The following APBB2 variants were observed in gnomAD, a reference collection of about 807,000 sequenced individuals.
APBB2 encodes the protein Fe65-like 1.
In APBB2, 38 loss-of-function variants were observed where a neutral mutation model predicts 82.5. The ratio of observed to expected loss-of-function variants is 0.46; its 90% CI spans 0.36 to 0.60. The LOEUF is 0.60. Among genes scored for constraint, APBB2 ranks in the 20% least tolerant of loss-of-function variants. The pLI, the probability that APBB2 is intolerant of heterozygous loss-of-function variation, is 0.00. For synonymous variants in APBB2, 341 were observed against 368.2 expected (o/e 0.93, Z 0.85); for missense variants, 772 against 972.3 (o/e 0.79, Z 2.74).
chr4:41,011,726 G>A (rs62412105), intron 6 of APBB2, among the ~76,000 whole-genome samples: 5,092 of 150,398 alleles, frequency 0.034, 146 homozygotes, highest in African/African-American at 0.084. Context: ...CCATCATGCC[G>A]GTCTTAAAAT....
At chr4:40,994,325 A>G (rs1803022630) in intron 6 of APBB2, among the ~76,000 whole-genome samples, 1 of 151,900 alleles carries the variant, frequency 6.6e-6, no homozygotes, top group Non-Finnish European at 1.5e-5. Flanking sequence ...TCTGATGCAG[A>G]CAGACTACAG....
chr4:41,073,821 G>A (rs1362258357), intron 3 of APBB2, among the ~76,000 whole-genome samples: 1 of 152,138 alleles, frequency 6.6e-6, no homozygotes, highest in African/African-American at 2.4e-5. Flanking sequence ...CAGTGAGGTG[G>A]TTCACACCTG....
chr4:41,180,531 G>A (rs542155781), intron 1 of APBB2, among the ~76,000 whole-genome samples: 11 of 152,104 alleles, frequency 7.2e-5, no homozygotes, highest in African/African-American at 2.2e-4. Flanking sequence ...CTACTTGATG[G>A]GGGGGCAGAG....
At chr4:41,189,227 G>A (rs1043725982) in intron 1 of APBB2, among the ~76,000 whole-genome samples, 4 of 152,110 alleles carry the variant, frequency 2.6e-5, no homozygotes, top group South Asian at 2.1e-4. Flanking sequence ...TCACAACAAC[G>A]TGGATGGTTG....
chr4:40,827,250 T>G, intron 13 of APBB2, 31 bp from the exon 14 acceptor site: 1 of 1,599,344 alleles, frequency 6.3e-7, no homozygotes, highest in Non-Finnish European at 8.6e-7. Context: ...CTTTGGAGCG[T>G]GGGTTCAAGC....
At chr4:41,085,224 C>T (rs1739199421) in intron 3 of APBB2, among the ~76,000 whole-genome samples, 2 of 142,384 alleles carry the variant, frequency 1.4e-5, no homozygotes, top group South Asian at 4.4e-4. Context: ...GCACTCCAGC[C>T]TGGGTGACAG....
At chr4:40,883,535 C>A (rs760471155) in intron 12 of APBB2, among the ~76,000 whole-genome samples, 2 of 151,718 alleles carry the variant, frequency 1.3e-5, no homozygotes, top group Non-Finnish European at 2.9e-5. Context: ...TGCAGTGAGC[C>A]GAGATCATGC....
rs778132637 is a variant in APBB2, at chr4:40,890,404, C to T, written c.1489G>A (p.Val497Ile). 69 of 1,613,752 alleles carry T rather than the reference C, an allele frequency of 4.3e-5. No homozygotes were observed. Among genetic ancestry groups the T allele is most frequent in the East Asian group, 2.4e-4 (11 of 44,906 alleles). Residue 497 changes from valine to isoleucine, a missense_variant, in exon 12 of 18, where the codon GTC (valine) becomes ATC (isoleucine). By Grantham distance (29) the Val-to-Ile change is conservative. Coordinates refer to ENST00000508593, the MANE Select transcript of APBB2 (RefSeq NM_004307.2). The part of the protein sequence containing the change: ...DRSVLHSQPI[V>I]SIRVWGVGRD... ...CCCACGCCCCACACGCGGATGCTGACGATGGGCTGCGAGTGCAGCACGCTG... is the reference window on the plus strand; with the variant it reads ...CCCACGCCCCACACGCGGATGCTGATGATGGGCTGCGAGTGCAGCACGCTG...
intron 11 of APBB2, among the ~76,000 whole-genome samples, chr4:40,890,692 C>G (rs1379820084): frequency 6.6e-6 from 1 of 152,020 alleles, no homozygotes; most frequent in Non-Finnish European, 1.5e-5. Context: ...TTTCTCTCTC[C>G]CTCTCCGAGT....
At chr4:40,946,519 T>C (rs1165262257) in intron 6 of APBB2, among the ~76,000 whole-genome samples, 2 of 152,156 alleles carry the variant, frequency 1.3e-5, no homozygotes, top group African/African-American at 4.8e-5. Flanking sequence ...ATCAGTTTAC[T>C]GAATATCTGC....
At chr4:40,941,109 A>G (rs1281990081) in intron 7 of APBB2, among the ~76,000 whole-genome samples, 1 of 152,026 alleles carries the variant, frequency 6.6e-6, no homozygotes, top group Non-Finnish European at 1.5e-5. Flanking sequence ...TGTGAAGCCT[A>G]GTCAACAGAT....
At chr4:40,900,966 T>C (rs1470885994) in intron 10 of APBB2, among the ~76,000 whole-genome samples, 1 of 152,088 alleles carries the variant, frequency 6.6e-6, no homozygotes, top group East Asian at 1.9e-4. Flanking sequence ...TGGAAGGGCA[T>C]ATTCGTTTGG....
intron 10 of APBB2, among the ~76,000 whole-genome samples, chr4:40,928,247 T>C (rs1783127852): frequency 6.6e-6 from 1 of 152,192 alleles, no homozygotes; most frequent in African/African-American, 2.4e-5. Context: ...AGCAGATAGT[T>C]CTGAAGTTAA....
At chr4:40,864,983 C>T (rs552056341) in intron 12 of APBB2, among the ~76,000 whole-genome samples, 3 of 151,828 alleles carry the variant, frequency 2.0e-5, no homozygotes, top group South Asian at 2.1e-4. Flanking sequence ...CTCAGCCTCC[C>T]GAGTAGCTGG....
At chr4:41,025,486 C>T (rs1713642845) in intron 5 of APBB2, among the ~76,000 whole-genome samples, 1 of 151,812 alleles carries the variant, frequency 6.6e-6, no homozygotes, top group Non-Finnish European at 1.5e-5. Flanking sequence ...TACCATTCGA[C>T]CCAGTAATCC....
At chr4:40,881,427 AAAC>A in intron 12 of APBB2, 3 of 970,420 alleles carry the variant, frequency 3.1e-6, no homozygotes, top group Non-Finnish European at 3.7e-6. Flanking sequence ...TAGGGAAAAA[AAAC>A]AATGACCAAG....
chr4:41,111,988 A>G (rs2153982410), intron 2 of APBB2, among the ~76,000 whole-genome samples: 1 of 152,368 alleles, frequency 6.6e-6, no homozygotes, highest in Middle Eastern at 3.4e-3. Flanking sequence ...AGCTCTTCCA[A>G]GTGGGTCAAC....
chr4:40,887,754 G>A (rs898454830), intron 12 of APBB2, among the ~76,000 whole-genome samples: 2 of 152,064 alleles, frequency 1.3e-5, no homozygotes, highest in African/African-American at 2.4e-5. Context: ...TAGCTATGTG[G>A]AACCCTCCCA....
At chr4:41,100,897 T>G (rs1560751892) in intron 2 of APBB2, 147 bp from the exon 3 acceptor site, 1 of 152,200 alleles carries the variant, frequency 6.6e-6, no homozygotes, top group Non-Finnish European at 1.5e-5. Context: ...ATGTAAACTA[T>G]TTTTCTTTCA....
Sources: allele counts gnomAD v4.1 joint callset (sites outside exome capture counted in the v4.1 genomes callset), GRCh38; gene constraint gnomAD v4.1.1; transcripts MANE v1.5; gene names NCBI Gene and HGNC (gene_info 2026-07-23, HGNC 2026-07-21).